POU3F3: variants seen among roughly 807,000 people sequenced by gnomAD.
POU3F3 encodes POU domain, class 3, transcription factor 3.
In POU3F3, 1 loss-of-function variant was observed where a neutral mutation model predicts 8.6. The ratio of observed to expected loss-of-function variants is 0.12; its 90% confidence interval spans 0.04 to 0.55. The LOEUF is 0.55. POU3F3 is among the 20% of genes least tolerant of loss of function. The pLI, the probability that POU3F3 is intolerant of heterozygous loss-of-function variation, is 0.91. For synonymous variants in POU3F3, 418 were observed against 327.4 expected (o/e 1.28, Z -2.99); for missense variants, 577 against 690.7 (o/e 0.84, Z 1.84).
At chr2:104,881,503 A>G in the POU3F3 span, among the ~76,000 whole-genome samples, 1 of 151,910 alleles carries the variant, frequency 6.6e-6, no homozygotes, top group Admixed American at 6.6e-5. Flanking sequence ...CAGACGTTCA[A>G]TGCATCCTCT....
the POU3F3 span, among the ~76,000 whole-genome samples, chr2:104,878,421 G>T: frequency 6.6e-6 from 1 of 152,078 alleles, no homozygotes; most frequent in Non-Finnish European, 1.5e-5. Flanking sequence ...TTGTCTACCT[G>T]CACGTACTAC....
At chr2:104,879,108 A>C in the POU3F3 span, among the ~76,000 whole-genome samples, 1 of 152,020 alleles carries the variant, frequency 6.6e-6, no homozygotes, top group African/African-American at 2.4e-5. Flanking sequence ...AGAGCACACA[A>C]CACACTCAAA....
rs1676574815 is a variant in POU3F3 at position 104,856,787 on chromosome 2, T to A, written c.1277T>A (p.Leu426His). ...AAGGGCGCGCTGGAGAGCCACTTCC[T>A]CAAGTGCCCCAAGCCCTCCGCGCAG... ...SVKGALESHF[L>H]KCPKPSAQEI... The change falls in exon 1 of 1, where the codon CTC becomes CAC. Residue 426 changes from leucine to histidine, a missense_variant. This residue lies in a region of POU3F3 where 21 missense variants were observed against 41.9 expected (regional missense o/e 0.50). Transcript: ENST00000361360. 6.2e-7 allele frequency: 1 copy of A among 1,613,996 alleles called. No individual in the cohort carries two copies. Among genetic ancestry groups the A allele is most frequent in the Non-Finnish European group, 8.5e-7 (1 of 1,180,014 alleles).
At chr2:104,859,044 G>A (rs1676625594), downstream of POU3F3, among the ~76,000 whole-genome samples, 1 of 151,490 alleles carries the variant, frequency 6.6e-6, no homozygotes, top group African/African-American at 2.4e-5. Flanking sequence ...TAGTTGTTAG[G>A]AGTCGCTTAT....
chr2:104,880,493 C>T, the POU3F3 span, among the ~76,000 whole-genome samples: 3 of 152,160 alleles, frequency 2.0e-5, no homozygotes, highest in African/African-American at 7.2e-5. Flanking sequence ...GATCCCAGAC[C>T]TGCCCTGTGC....
At chr2:104,886,120 C>A in the POU3F3 span, among the ~76,000 whole-genome samples, 1 of 152,116 alleles carries the variant, frequency 6.6e-6, no homozygotes, top group Non-Finnish European at 1.5e-5. Flanking sequence ...TCTTAATAGA[C>A]TTGCTTTCAC....
chr2:104,859,036 G>GT (rs1676625491), downstream of POU3F3, among the ~76,000 whole-genome samples: 1 of 150,656 alleles, frequency 6.6e-6, no homozygotes, highest in African/African-American at 2.5e-5. Flanking sequence ...CAAGACTATA[G>GT]TTGTTAGGAG....
At chr2:104,860,698 C>T (rs914095096), downstream of POU3F3, among the ~76,000 whole-genome samples, 4 of 143,644 alleles carry the variant, frequency 2.8e-5, no homozygotes, top group Non-Finnish European at 4.5e-5. Context: ...CAAGTCTGTG[C>T]GATAAATCAT....
chr2:104,859,295 G>A (rs1263452864), downstream of POU3F3, among the ~76,000 whole-genome samples: 1 of 152,056 alleles, frequency 6.6e-6, no homozygotes, highest in Non-Finnish European at 1.5e-5. Flanking sequence ...TGGTGCTGGG[G>A]GTTTTAGGTC....
the POU3F3 span, among the ~76,000 whole-genome samples, chr2:104,895,563 A>G: frequency 1.9e-3 from 292 of 152,364 alleles, 2 homozygotes; most frequent in African/African-American, 6.7e-3. Flanking sequence ...CCACAAATGC[A>G]GTAATTAACA....
In POU3F3 at chr2:104,855,913, C is replaced by T; in HGVS notation, c.403C>T (p.Gln135Ter). Reference protein sequence around the residue: ...SAVGMAGSPQQPPQPPPPPPQ... With the variant: ...SAVGMAGSPQ Reference sequence around the variant, plus strand: ...CGTGGGCATGGCTGGCAGCCCCCAGCAGCCACCGCAGCCGCCGCCGCCACC... The same window carrying T: ...CGTGGGCATGGCTGGCAGCCCCCAGTAGCCACCGCAGCCGCCGCCGCCACC... Residue 135 changes from glutamine to a stop codon, truncating the protein, a stop_gained, in exon 1 of 1, where the codon CAG becomes TAG. Coordinates refer to ENST00000361360, the MANE Select transcript of POU3F3 (RefSeq NM_006236.3). LOFTEE classifies it low-confidence loss of function (END_TRUNC). The T allele has an allele frequency of 1.9e-6, 2 of 1,065,300 alleles. No individual in the cohort carries two copies. Among genetic ancestry groups the T allele is most frequent in the Non-Finnish European group, 2.3e-6 (2 of 881,790 alleles). The allele number at this position is 1,065,300 out of a possible 1,614,324, so 66.0% of individuals were successfully genotyped here.
chr2:104,920,437 T>C, the POU3F3 span, among the ~76,000 whole-genome samples: 11 of 152,166 alleles, frequency 7.2e-5, no homozygotes, highest in African/African-American at 2.7e-4. Flanking sequence ...ATCTCCAATG[T>C]GAATTTATCT....
chr2:104,865,177 G>T, the POU3F3 span, among the ~76,000 whole-genome samples: 5 of 152,196 alleles, frequency 3.3e-5, no homozygotes, highest in African/African-American at 1.2e-4. Flanking sequence ...ACTGAGTCTG[G>T]TCTTTAATTC....
At chr2:104,904,542 T>A in the POU3F3 span, among the ~76,000 whole-genome samples, 7 of 152,154 alleles carry the variant, frequency 4.6e-5, no homozygotes, top group Non-Finnish European at 8.8e-5. Flanking sequence ...GAAATGTGAA[T>A]CTCAAACAAG....
the POU3F3 span, among the ~76,000 whole-genome samples, chr2:104,910,940 T>C: frequency 1.5e-4 from 23 of 152,332 alleles, no homozygotes; most frequent in Admixed American, 7.2e-4. Flanking sequence ...ACATAGTATT[T>C]ACATTGTATT....
At chr2:104,876,422 T>G in the POU3F3 span, among the ~76,000 whole-genome samples, 1 of 152,168 alleles carries the variant, frequency 6.6e-6, no homozygotes, top group Non-Finnish European at 1.5e-5. Flanking sequence ...ATGCCTGGAA[T>G]TCCCTGGTTT....
chr2:104,904,417 G>C, the POU3F3 span, among the ~76,000 whole-genome samples: 2 of 152,052 alleles, frequency 1.3e-5, no homozygotes, highest in Non-Finnish European at 2.9e-5. Context: ...CTGGAAATGT[G>C]AGTTTGTATT....
the POU3F3 span, among the ~76,000 whole-genome samples, chr2:104,914,939 G>A: frequency 6.6e-6 from 1 of 152,226 alleles, no homozygotes; most frequent in Non-Finnish European, 1.5e-5. Flanking sequence ...GGGGAGCAAG[G>A]ACAGTCTGCT....
At chr2:104,910,155 T>G in the POU3F3 span, among the ~76,000 whole-genome samples, 1 of 152,158 alleles carries the variant, frequency 6.6e-6, no homozygotes, top group Admixed American at 6.5e-5. Context: ...GTAGCCCTTA[T>G]GACAGACTCA....
Sources: gnomAD v4.1 joint callset for allele counts (sites outside exome capture counted in the v4.1 genomes callset) on GRCh38, gnomAD v4.1.1 for gene constraint, gnomAD v4.1.1 regional missense constraint, MANE v1.5 for transcripts, NCBI Gene and HGNC (gene_info 2026-07-23, HGNC 2026-07-21) for gene names.